Variants in SYTL3 observed in about 807,000 individuals in gnomAD.
The protein encoded by SYTL3 is synaptotagmin like 3.
A neutral mutation model predicts 82.1 loss-of-function variants in SYTL3; 88 were observed. The ratio of observed to expected loss-of-function variants is 1.07; its 90% CI spans 0.90 to 1.28. SYTL3 has a LOEUF of 1.28. Ranked by LOEUF, SYTL3 falls within the 50% of genes most tolerant of loss-of-function variation. The pLI is 0.00. For synonymous variants in SYTL3, 311 were observed against 289.4 expected (o/e 1.07, Z -0.76); for missense variants, 831 against 757.6 (o/e 1.10, Z -1.14).
chr6:158,695,784 CT>C (rs1780493897), intron 6 of SYTL3, among the ~76,000 whole-genome samples: 1 of 152,136 alleles, frequency 6.6e-6, no homozygotes, highest in Non-Finnish European at 1.5e-5. Context: ...TGTATTTGTT[CT>C]TTTGTATCTG....
intron 13 of SYTL3, among the ~76,000 whole-genome samples, chr6:158,753,467 A>G (rs1469603234): frequency 6.6e-6 from 1 of 151,206 alleles, no homozygotes; most frequent in Non-Finnish European, 1.5e-5. Flanking sequence ...GCGGTGGCTC[A>G]CGCCTGTAAT....
At chr6:158,665,329 C>T (rs1789905169) in intron 4 of SYTL3, 66 bp from the exon 5 acceptor site, 7 of 1,478,508 alleles carry the variant, frequency 4.7e-6, no homozygotes, top group Non-Finnish European at 6.4e-6. Flanking sequence ...TGCCTGGGCT[C>T]TTGCCCTATA....
intron 2 of SYTL3, among the ~76,000 whole-genome samples, chr6:158,658,461 G>A (rs1046891120): frequency 3.9e-5 from 6 of 152,124 alleles, no homozygotes; most frequent in African/African-American, 1.4e-4. Context: ...AATGCCCAAC[G>A]CCATCAAGCC....
At chr6:158,664,180 G>A (rs1293634174) in intron 4 of SYTL3, among the ~76,000 whole-genome samples, 3 of 152,154 alleles carry the variant, frequency 2.0e-5, no homozygotes, top group African/African-American at 7.2e-5. Context: ...GAATTTTCTG[G>A]TATAGTATTC....
chr6:158,725,174 G>T (rs561664553), intron 10 of SYTL3, among the ~76,000 whole-genome samples: 132 of 152,274 alleles, frequency 8.7e-4, no homozygotes, highest in African/African-American at 2.8e-3. Flanking sequence ...GTGATTAAAT[G>T]CCAGGACCAT....
chr6:158,700,720 C>T (rs534985955), intron 6 of SYTL3, among the ~76,000 whole-genome samples: 3 of 152,144 alleles, frequency 2.0e-5, no homozygotes, highest in East Asian at 1.9e-4. Flanking sequence ...GGGTTCATGC[C>T]ATTCTCCTGC....
At chr6:158,734,481 C>T (rs1273090109) in intron 11 of SYTL3, among the ~76,000 whole-genome samples, 11 of 152,156 alleles carry the variant, frequency 7.2e-5, no homozygotes, top group South Asian at 4.1e-4. Context: ...CCTACCCCAT[C>T]GCTCATTCCA....
At position 158,651,524 on chromosome 6, in the gene SYTL3, G is replaced by A. The variant is rs369421507; in HGVS notation, c.-726-229G>A. ...AATTGCTTGAACCCGGGAGGTGGAG[G>A]TTGCAGTGAGCTGAGATCGCGCCAC... On this transcript the variant is annotated intron_variant, in intron 1 of 17. Coordinates refer to ENST00000611299, the MANE Select transcript of SYTL3 (RefSeq NM_001242394.2). 9.0e-4 allele frequency among the ~76,000 whole-genome samples: 137 copies of A among 152,204 alleles called. 3 individuals are homozygous for A. The East Asian group carries it at 0.02, about 22-fold the overall frequency.
At chr6:158,680,053 A>T (rs1179081303) in intron 5 of SYTL3, among the ~76,000 whole-genome samples, 1 of 152,200 alleles carries the variant, frequency 6.6e-6, no homozygotes, top group Non-Finnish European at 1.5e-5. Context: ...AGGTGCGTTT[A>T]TCAGGCGGGG....
intron 6 of SYTL3, among the ~76,000 whole-genome samples, chr6:158,683,566 C>T (rs967941158): frequency 6.6e-6 from 1 of 152,200 alleles, no homozygotes; most frequent in Admixed American, 6.5e-5. Flanking sequence ...GTTTCCCTGG[C>T]TTCCTGCTTC....
intron 14 of SYTL3, 39 bp downstream of exon 14, chr6:158,757,420 C>CT (rs1456785226): frequency 6.2e-7 from 1 of 1,601,788 alleles, no homozygotes; most frequent in Admixed American, 1.7e-5. Flanking sequence ...TCCATCCCCA[C>CT]TGTGATAGAT....
rs529008577 is a variant in SYTL3 at position 158,700,703 on chromosome 6, G to A, written c.395-6527G>A. The stretch of plus-strand genomic sequence containing the variant: ...GCGATCTTGGCTCACTGCAAGGTCC[G>A]CCTCCTGGGTTCATGCCATTCTCCT... On this transcript the variant is annotated intron_variant, in intron 6 of 17. Coordinates refer to ENST00000611299, the MANE Select transcript of SYTL3 (RefSeq NM_001242394.2). Among the ~76,000 whole-genome samples, 20 of 152,216 alleles carry A rather than the reference G, an allele frequency of 1.3e-4. No homozygotes were observed. The South Asian group carries it at 3.1e-3, about 24-fold the overall frequency.
intron 11 of SYTL3, among the ~76,000 whole-genome samples, chr6:158,738,936 G>A (rs1449436041): frequency 2.0e-5 from 3 of 152,202 alleles, no homozygotes; most frequent in Non-Finnish European, 4.4e-5. Flanking sequence ...GGGATTACAG[G>A]CGTGAGCCAC....
At chr6:158,741,862 G>A (rs1477323043) in intron 11 of SYTL3, among the ~76,000 whole-genome samples, 1 of 152,208 alleles carries the variant, frequency 6.6e-6, no homozygotes, top group Non-Finnish European at 1.5e-5. Flanking sequence ...AATGGTCAGT[G>A]TTGAGTTATT....
chr6:158,648,849 T>TGACACATATC (rs1196105746), upstream of SYTL3, among the ~76,000 whole-genome samples: 2 of 152,178 alleles, frequency 1.3e-5, no homozygotes, highest in East Asian at 3.8e-4. Context: ...AAACTCTGGC[T>TGACACATATC]GACACATATC....
chr6:158,692,491 A>C (rs539555602), intron 6 of SYTL3, among the ~76,000 whole-genome samples: 3 of 152,134 alleles, frequency 2.0e-5, no homozygotes, highest in African/African-American at 7.2e-5. Context: ...CCTCCCTCCC[A>C]GCAGTAAACG....
rs116844361 is a variant in SYTL3 at position 158,699,087 on chromosome 6, G to A, written c.395-8143G>A. Among the ~76,000 whole-genome samples the A allele has an allele frequency of 8.5e-3, 1,287 of 152,274 alleles. 8 individuals are homozygous for A. Among genetic ancestry groups the A allele is most frequent in the South Asian group, 0.021 (100 of 4,826 alleles). ...ACACAGGGCTGCTGTGGGGCCTTTC[G>A]GTGGAGGAGGGATTTGCTGATCCTG... On this transcript the variant is annotated intron_variant, in intron 6 of 17. Transcript: ENST00000611299.
intron 5 of SYTL3, among the ~76,000 whole-genome samples, chr6:158,668,618 A>G (rs1259106704): frequency 6.6e-6 from 1 of 152,202 alleles, no homozygotes; most frequent in Non-Finnish European, 1.5e-5. Flanking sequence ...AGCGAACACC[A>G]TGCCGAAAGT....
At chr6:158,731,405 TCAAG>T (rs1182208085) in intron 11 of SYTL3, among the ~76,000 whole-genome samples, 1 of 151,502 alleles carries the variant, frequency 6.6e-6, no homozygotes, top group Non-Finnish European at 1.5e-5. Context: ...GAAAAAAAAC[TCAAG>T]CTAGCCTAGG....
Sources: allele counts gnomAD v4.1 joint callset (sites outside exome capture counted in the v4.1 genomes callset), GRCh38; gene constraint gnomAD v4.1.1; transcripts MANE v1.5; gene names NCBI Gene and HGNC (gene_info 2026-07-23, HGNC 2026-07-21).